The following NRXN3 variants were observed in gnomAD, a reference collection of about 807,000 sequenced individuals.
NRXN3 encodes the protein neurexin 3.
Under a neutral mutation model 137.6 loss-of-function variants are expected in NRXN3, and 32 were observed. The observed-to-expected ratio is 0.23, with a 90% CI of 0.18 to 0.31. The LOEUF is 0.31. Among genes scored for constraint, NRXN3 ranks in the 10% least tolerant of loss-of-function variants. The probability of loss-of-function intolerance (pLI) is 1.00; values close to 1 mark genes in which losing one functional copy is unlikely to be tolerated. For synonymous variants in NRXN3, 798 were observed against 784.5 expected (o/e 1.02, Z -0.29); for missense variants, 1,574 against 2,062.5 (o/e 0.76, Z 4.59).
chr14:78,190,058 G>T (rs1440660406), intron 1 of NRXN3, among the ~76,000 whole-genome samples: 1 of 152,210 alleles, frequency 6.6e-6, no homozygotes. Context: ...GCTGGTTGGG[G>T]CTTTAACTGG....
chr14:79,834,871 GTTCT>G (rs1362466778), intron 20 of NRXN3, among the ~76,000 whole-genome samples: 1 of 152,038 alleles, frequency 6.6e-6, no homozygotes, highest in African/African-American at 2.4e-5. Flanking sequence ...AAGCAAGAGT[GTTCT>G]TTTTCGTTTC....
At chr14:79,636,448 T>C (rs2098404114) in intron 16 of NRXN3, among the ~76,000 whole-genome samples, 1 of 152,176 alleles carries the variant, frequency 6.6e-6, no homozygotes, top group Admixed American at 6.5e-5. Context: ...TGGCTGTCAT[T>C]ATCAGTTCCC....
intron 15 of NRXN3, among the ~76,000 whole-genome samples, chr14:79,318,361 G>A (rs1350073159): frequency 6.6e-6 from 1 of 152,170 alleles, no homozygotes; most frequent in African/African-American, 2.4e-5. Context: ...AGGAAGGAAG[G>A]GACAGTTTGG....
chr14:78,317,805 A>C (rs916297962), intron 4 of NRXN3, among the ~76,000 whole-genome samples: 1 of 152,210 alleles, frequency 6.6e-6, no homozygotes, highest in Non-Finnish European at 1.5e-5. Context: ...ACACTCATCT[A>C]TATCTCCTTA....
At chr14:78,794,338 C>T (rs1373866818) in intron 8 of NRXN3, among the ~76,000 whole-genome samples, 2 of 152,106 alleles carry the variant, frequency 1.3e-5, no homozygotes, top group African/African-American at 2.4e-5. Context: ...GCCAAGATTG[C>T]GCCACTGTAC....
At chr14:78,654,271 G>T (rs2097768960) in intron 6 of NRXN3, among the ~76,000 whole-genome samples, 2 of 152,222 alleles carry the variant, frequency 1.3e-5, no homozygotes, top group South Asian at 4.1e-4. Context: ...CCATAGAACA[G>T]TCTTTAATTA....
At chr14:78,702,451 C>CTTTTCTTTTCTTT (rs151197180) in intron 6 of NRXN3, among the ~76,000 whole-genome samples, 32 of 122,722 alleles carry the variant, frequency 2.6e-4, no homozygotes, top group Admixed American at 5.6e-4. Context: ...TTTTTCTTTT[C>CTTTTCTTTTCTTT]TTATTTTTTT....
At chr14:79,415,671 C>T (rs1434350009) in intron 15 of NRXN3, among the ~76,000 whole-genome samples, 1 of 152,110 alleles carries the variant, frequency 6.6e-6, no homozygotes, top group African/African-American at 2.4e-5. Flanking sequence ...CCATGCCTGT[C>T]ACTCTATGAC....
At chr14:78,622,932 G>A (rs2152505249) in intron 4 of NRXN3, among the ~76,000 whole-genome samples, 1 of 152,322 alleles carries the variant, frequency 6.6e-6, no homozygotes, top group Middle Eastern at 3.4e-3. Context: ...TTTTTAATAA[G>A]CTGGTACCAT....
At chr14:78,495,441 GA>G (rs2095761593) in intron 4 of NRXN3, among the ~76,000 whole-genome samples, 1 of 152,106 alleles carries the variant, frequency 6.6e-6, no homozygotes, top group African/African-American at 2.4e-5. Context: ...TATCAGAGCA[GA>G]AAAAGGGGAA....
rs568400334 is a variant in NRXN3, at chr14:78,956,818, C to T, written c.2276-424C>T. ...CTATTGGTGGATACTCTCTAAAAGC[C>T]AGACTGGTGTATCATGCCAAATGGC... is the stretch of plus-strand genomic sequence containing the variant. On this transcript the variant is annotated intron_variant, in intron 10 of 20. Transcript: ENST00000335750. Among the ~76,000 whole-genome samples, 7 of 152,282 alleles carry T rather than the reference C, an allele frequency of 4.6e-5. No homozygotes were observed. In the East Asian group the frequency reaches 9.7e-4, roughly 21 times the overall value.
intron 4 of NRXN3, among the ~76,000 whole-genome samples, chr14:78,309,241 C>T (rs993763073): frequency 4.0e-5 from 6 of 151,330 alleles, no homozygotes; most frequent in South Asian, 2.1e-4. Context: ...TTATATAGCA[C>T]GTTCAGCCAG....
chr14:78,548,382 T>G (rs555667113), intron 4 of NRXN3, among the ~76,000 whole-genome samples: 1 of 152,258 alleles, frequency 6.6e-6, no homozygotes, highest in East Asian at 1.9e-4. Context: ...TCCCATGACT[T>G]GGACAGGGAG....
At chr14:79,667,748 A>G (rs963867480) in intron 17 of NRXN3, among the ~76,000 whole-genome samples, 1 of 152,068 alleles carries the variant, frequency 6.6e-6, no homozygotes, top group Non-Finnish European at 1.5e-5. Flanking sequence ...AATGTTCCTT[A>G]TAAAGTCTCT....
At chr14:78,731,058 A>G (rs2098512900) in intron 8 of NRXN3, among the ~76,000 whole-genome samples, 1 of 151,690 alleles carries the variant, frequency 6.6e-6, no homozygotes. Context: ...CTTGCCTGTG[A>G]TCCTTTCAAA....
chr14:78,730,792 A>C (rs530684907), intron 8 of NRXN3, among the ~76,000 whole-genome samples: 2 of 152,332 alleles, frequency 1.3e-5, no homozygotes, highest in South Asian at 4.1e-4. Flanking sequence ...AATGCAGAAG[A>C]GTGCACTGGT....
At chr14:79,018,321 T>G in intron 15 of NRXN3, among the ~76,000 whole-genome samples, 1 of 110,076 alleles carries the variant, frequency 9.1e-6, no homozygotes, top group African/African-American at 4.5e-5. Context: ...AGAGTGAAAG[T>G]TATAAATGAA....
chr14:79,226,474 C>G (rs971451749), intron 15 of NRXN3, among the ~76,000 whole-genome samples: 5 of 152,118 alleles, frequency 3.3e-5, no homozygotes, highest in African/African-American at 4.8e-5. Context: ...TTGAGTTCCT[C>G]TTGTTTCTCT....
chr14:79,243,463 G>C (rs2074630050), intron 15 of NRXN3, among the ~76,000 whole-genome samples: 1 of 152,160 alleles, frequency 6.6e-6, no homozygotes. Context: ...ACTGGATGCA[G>C]AGTGCTTTAT....
Sources: allele counts gnomAD v4.1 joint callset (sites outside exome capture counted in the v4.1 genomes callset), GRCh38; gene constraint gnomAD v4.1.1; transcripts MANE v1.5; gene names NCBI Gene and HGNC (gene_info 2026-07-23, HGNC 2026-07-21).